CFAP58: variants seen among roughly 807,000 people sequenced by gnomAD.
CFAP58 encodes cilia and flagella associated protein 58.
In CFAP58, 88 loss-of-function variants were observed where a neutral mutation model predicts 119.5. The observed-to-expected ratio is 0.74, with a 90% confidence interval of 0.62 to 0.88. CFAP58 has a LOEUF of 0.88. Among genes scored for constraint, CFAP58 ranks in the 40% least tolerant of loss-of-function variants. The pLI, the probability that CFAP58 is intolerant of heterozygous loss-of-function variation, is 0.00. For missense variants in CFAP58, 990 were observed against 1,021.2 expected (o/e 0.97, Z 0.42); for synonymous variants, 365 against 366.3 (o/e 1.00, Z 0.04).
At chr10:104,340,720 CA>C in the CFAP58 span, among the ~76,000 whole-genome samples, 1 of 152,104 alleles carries the variant, frequency 6.6e-6, no homozygotes, top group Non-Finnish European at 1.5e-5. Context: ...CAAGGGAACT[CA>C]AAAGCATGAC....
intron 11 of CFAP58, among the ~76,000 whole-genome samples, chr10:104,398,833 A>C (rs756448529): frequency 2.0e-5 from 3 of 152,206 alleles, no homozygotes; most frequent in Non-Finnish European, 4.4e-5. Flanking sequence ...TATAAATGAC[A>C]TCCCTTCTGT....
At chr10:104,355,023 C>T (rs1313560435) in intron 1 of CFAP58, among the ~76,000 whole-genome samples, 1 of 152,172 alleles carries the variant, frequency 6.6e-6, no homozygotes, top group African/African-American at 2.4e-5. Context: ...TCAACACCTC[C>T]TTCCTTTCCT....
At chr10:104,388,841 G>A (rs114371761) in intron 9 of CFAP58, among the ~76,000 whole-genome samples, 1,651 of 152,262 alleles carry the variant, frequency 0.011, 25 homozygotes, top group African/African-American at 0.038. Context: ...GGTAGGAGTA[G>A]GTTATAAACT....
At chr10:104,356,100 A>G (rs1403135922) in intron 1 of CFAP58, among the ~76,000 whole-genome samples, 1 of 152,272 alleles carries the variant, frequency 6.6e-6, no homozygotes, top group Non-Finnish European at 1.5e-5. Flanking sequence ...TGGAATTACT[A>G]CATTGTGGTC....
At chr10:104,397,879 A>G (rs2012192803) in intron 11 of CFAP58, among the ~76,000 whole-genome samples, 1 of 152,190 alleles carries the variant, frequency 6.6e-6, no homozygotes, top group South Asian at 2.1e-4. Flanking sequence ...CCCCCACTGC[A>G]TGCCCTATAT....
At chr10:104,350,680 A>G (rs1441371432), upstream of CFAP58, among the ~76,000 whole-genome samples, 1 of 152,218 alleles carries the variant, frequency 6.6e-6, no homozygotes, top group Non-Finnish European at 1.5e-5. Context: ...TTCTGTTAAA[A>G]TGGCATATAC....
At chr10:104,369,427 T>C (rs1487144551) in intron 6 of CFAP58, among the ~76,000 whole-genome samples, 1 of 152,208 alleles carries the variant, frequency 6.6e-6, no homozygotes, top group Non-Finnish European at 1.5e-5. Flanking sequence ...TAATAACCAC[T>C]GAATTAAAAC....
chr10:104,436,713 T>C (rs1175559611), intron 15 of CFAP58, among the ~76,000 whole-genome samples: 1 of 152,190 alleles, frequency 6.6e-6, no homozygotes, highest in Non-Finnish European at 1.5e-5. Context: ...TACATTTCAA[T>C]GTGAGATTGG....
At chr10:104,364,929 A>G in intron 4 of CFAP58, 40 bp downstream of exon 4, 4 of 1,592,036 alleles carry the variant, frequency 2.5e-6, no homozygotes, top group Non-Finnish European at 3.4e-6. Flanking sequence ...ATTTCCTTCC[A>G]GAGGATGTTT....
chr10:104,394,208 C>T (rs1372840780), intron 11 of CFAP58, among the ~76,000 whole-genome samples: 1 of 152,180 alleles, frequency 6.6e-6, no homozygotes, highest in Non-Finnish European at 1.5e-5. Context: ...CTATACACAC[C>T]ACTAAACCTA....
chr10:104,362,281 A>C (rs1024728290), intron 3 of CFAP58, 110 bp downstream of exon 3: 9 of 895,612 alleles, frequency 1.0e-5, no homozygotes, highest in Non-Finnish European at 1.5e-5. Flanking sequence ...GTGATACAAG[A>C]CTCTTCTTTA....
intron 3 of CFAP58, among the ~76,000 whole-genome samples, chr10:104,362,857 C>A (rs2014690372): frequency 6.6e-6 from 1 of 152,182 alleles, no homozygotes; most frequent in African/African-American, 2.4e-5. Context: ...GGATAAAGCC[C>A]AGACTCTTGA....
upstream of CFAP58, among the ~76,000 whole-genome samples, chr10:104,350,183 A>T (rs1362420275): frequency 6.6e-6 from 1 of 152,228 alleles, no homozygotes; most frequent in Admixed American, 6.5e-5. Context: ...CTCTCTCCAC[A>T]GTATGCAACA....
At position 104,362,052 on chromosome 10, in the gene CFAP58, C is replaced by G. The variant is rs755906571; in HGVS notation, c.321C>G (p.Asp107Glu). Reference sequence around the variant, plus strand: ...TTGAAAAGGCCTGGAAGATGGTGGACTCAGCCTATGACAAAGAGCAGAAGG... The same window carrying G: ...TTGAAAAGGCCTGGAAGATGGTGGAGTCAGCCTATGACAAAGAGCAGAAGG... ...KEIEKAWKMVDSAYDKEQKAK... is the reference protein window; with the variant it reads ...KEIEKAWKMVESAYDKEQKAK... The change falls in exon 3 of 18, where the codon GAC becomes GAG. Residue 107 changes from aspartate (D) to glutamate (E), a missense_variant. By Grantham distance (45) the Asp-to-Glu change is conservative. Transcript: ENST00000369704. 5 of 1,613,982 alleles carry G rather than the reference C, an allele frequency of 3.1e-6. No individual in the cohort carries two copies. The highest frequency in any genetic ancestry group is 4.2e-6 in the Non-Finnish European group (5 of 1,179,908).
At chr10:104,377,655 C>G (rs954027155) in intron 8 of CFAP58, among the ~76,000 whole-genome samples, 1 of 152,124 alleles carries the variant, frequency 6.6e-6, no homozygotes, top group Non-Finnish European at 1.5e-5. Context: ...CTATAACAGC[C>G]ACGGCCAAGA....
Position 104,392,302 on chromosome 10 carries a change from G to A in CFAP58, c.1435G>A (p.Glu479Lys). The A allele has an allele frequency of 6.2e-7, 1 of 1,612,830 alleles. No homozygotes were observed. The highest frequency in any genetic ancestry group is 8.5e-7 in the Non-Finnish European group (1 of 1,179,442). Reference protein sequence around the residue: ...QIFDYRKKIAESEIKLKQQQN... With the variant: ...QIFDYRKKIAKSEIKLKQQQN... ...TTTTGACTACAGGAAAAAAATAGCT[G>A]AATCAGAGATTAAATTAAAACAGCA... Residue 479 changes from glutamate to lysine, a missense_variant, in exon 10 of 18, where the codon GAA (glutamate) becomes AAA (lysine). Coordinates refer to ENST00000369704, the MANE Select transcript of CFAP58 (RefSeq NM_001008723.2).
chr10:104,392,387 A>T lies in CFAP58; in HGVS notation c.1520A>T (p.Glu507Val), dbSNP rs375712389. Reference sequence around the variant, plus strand: ...AATCTGTATAGCAAAAATCTGGTTGAGGCTCAGGTAAATAATATATTTATA... The same window carrying T: ...AATCTGTATAGCAAAAATCTGGTTGTGGCTCAGGTAAATAATATATTTATA... ...DRNLYSKNLV[E>V]AQDEITDMKR... The change falls in exon 10 of 18, where the codon GAG becomes GTG. Residue 507 changes from glutamate (E) to valine (V), a missense_variant. Glu to Val is a moderately radical substitution (Grantham distance 121). Transcript: ENST00000369704. The T allele has an allele frequency of 2.2e-4, 348 of 1,579,010 alleles. 2 individuals are homozygous for T. The South Asian group carries it at 3.9e-3, about 18-fold the overall frequency.
intron 15 of CFAP58, among the ~76,000 whole-genome samples, chr10:104,424,424 T>G (rs2012710242): frequency 6.6e-6 from 1 of 152,140 alleles, no homozygotes; most frequent in African/African-American, 2.4e-5. Context: ...CCTGCACACC[T>G]CCAGAGAACT....
intron 1 of CFAP58, among the ~76,000 whole-genome samples, chr10:104,357,953 A>G (rs865865602): frequency 0.02 from 2,261 of 112,936 alleles, 94 homozygotes; most frequent in East Asian, 0.05. Flanking sequence ...GTACACATAT[A>G]TACACATATA....
Sources: allele counts gnomAD v4.1 joint callset (sites outside exome capture counted in the v4.1 genomes callset), GRCh38; gene constraint gnomAD v4.1.1; transcripts MANE v1.5; gene names NCBI Gene and HGNC (gene_info 2026-07-23, HGNC 2026-07-21).